AUTS2: variants seen among roughly 807,000 people sequenced by gnomAD.
AUTS2 encodes the protein autism susceptibility gene 2 protein.
Under a neutral mutation model 112.4 loss-of-function variants are expected in AUTS2, and 17 were observed. The observed-to-expected ratio is 0.15, with a 90% CI of 0.10 to 0.23. The LOEUF (loss-of-function observed/expected upper bound fraction) is 0.23, where lower values mean the gene tolerates loss of function less well. AUTS2 is among the 10% of genes least tolerant of loss of function. The pLI is 1.00. For missense variants in AUTS2, 1,510 were observed against 1,701.6 expected (o/e 0.89, Z 1.98); for synonymous variants, 751 against 702.7 (o/e 1.07, Z -1.09).
intron 1 of AUTS2, among the ~76,000 whole-genome samples, chr7:69,604,056 T>G (rs1257614331): frequency 1.3e-5 from 2 of 152,214 alleles, no homozygotes; most frequent in African/African-American, 4.8e-5. Flanking sequence ...AAGATGAAAT[T>G]TGTGGAATTA....
intron 1 of AUTS2, among the ~76,000 whole-genome samples, chr7:69,722,982 A>G (rs1304987452): frequency 6.6e-6 from 1 of 152,094 alleles, no homozygotes; most frequent in Non-Finnish European, 1.5e-5. Context: ...TCTACATGTC[A>G]AAACACATCC....
intron 2 of AUTS2, among the ~76,000 whole-genome samples, chr7:69,958,179 C>T (rs926181451): frequency 1.3e-5 from 2 of 152,206 alleles, no homozygotes; most frequent in Admixed American, 6.5e-5. Context: ...CGGCCAATCC[C>T]GACCTGGTAT....
rs140221736 is a variant in AUTS2 at position 70,220,212 on chromosome 7, T to A, written c.660+85641T>A. On this transcript the variant is annotated intron_variant, in intron 4 of 18. Transcript: ENST00000342771. ...ACACAAAAATTTGATTTTATGTAAT[T>A]TTTATTTGTCACAAAAGATAATTCT... 7.7e-4 allele frequency among the ~76,000 whole-genome samples: 117 copies of A among 152,358 alleles called. 1 individual carries two copies. Among genetic ancestry groups the A allele is most frequent in the Non-Finnish European group, 1.0e-3 (69 of 68,038 alleles).
At chr7:69,707,727 A>G (rs1303963747) in intron 1 of AUTS2, among the ~76,000 whole-genome samples, 4 of 152,236 alleles carry the variant, frequency 2.6e-5, no homozygotes, top group African/African-American at 9.6e-5. Context: ...TTGACTGTCA[A>G]CTGGATGGAG....
chr7:69,800,031 T>G (rs750588605), intron 1 of AUTS2, among the ~76,000 whole-genome samples: 4 of 152,258 alleles, frequency 2.6e-5, no homozygotes, highest in Non-Finnish European at 5.9e-5. Flanking sequence ...TTGTAATAAC[T>G]CATGTGTCAG....
At chr7:70,768,749 C>T (rs765383954) in intron 10 of AUTS2, among the ~76,000 whole-genome samples, 7 of 151,982 alleles carry the variant, frequency 4.6e-5, no homozygotes, top group Non-Finnish European at 7.3e-5. Flanking sequence ...GTTATAGGTT[C>T]AGTTAACTTG....
At chr7:69,668,323 C>A (rs780506322) in intron 1 of AUTS2, among the ~76,000 whole-genome samples, 1 of 152,192 alleles carries the variant, frequency 6.6e-6, no homozygotes, top group African/African-American at 2.4e-5. Flanking sequence ...TATAATGTAG[C>A]GTTAGTAATT....
intron 1 of AUTS2, among the ~76,000 whole-genome samples, chr7:69,783,867 G>A (rs188035585): frequency 2.6e-5 from 4 of 152,298 alleles, no homozygotes; most frequent in Admixed American, 2.6e-4. Context: ...AGACTGAGAT[G>A]TCTCTTAAAG....
intron 2 of AUTS2, among the ~76,000 whole-genome samples, chr7:70,081,006 C>A (rs1803276820): frequency 1.3e-5 from 2 of 152,078 alleles, no homozygotes; most frequent in African/African-American, 4.8e-5. Context: ...ACAAAGCAGG[C>A]AATTTAGTTA....
chr7:70,194,731 T>C (rs566143991), intron 4 of AUTS2: 1 of 152,350 alleles, frequency 6.6e-6, no homozygotes, highest in South Asian at 2.1e-4. Flanking sequence ...TTTACATCTG[T>C]TTTGACCCAA....
At chr7:69,809,983 C>G (rs1433518784) in intron 1 of AUTS2, among the ~76,000 whole-genome samples, 1 of 152,128 alleles carries the variant, frequency 6.6e-6, no homozygotes, top group Non-Finnish European at 1.5e-5. Flanking sequence ...CACATTTGAC[C>G]AGGTCATTTA....
chr7:69,804,043 T>G lies in AUTS2; in HGVS notation c.310-95243T>G, dbSNP rs191924017. On this transcript the variant is annotated intron_variant, in intron 1 of 18. Transcript: ENST00000342771. ...TGAGACTCTTGTCTCAAAGAAAATTTTTTTTCATTTTCCATTGACACCATA... is the reference window on the plus strand; with the variant it reads ...TGAGACTCTTGTCTCAAAGAAAATTGTTTTTCATTTTCCATTGACACCATA... Among the ~76,000 whole-genome samples, 12 of 152,248 alleles carry G rather than the reference T, an allele frequency of 7.9e-5. No homozygotes were observed. The East Asian group carries it at 2.3e-3, about 29-fold the overall frequency.
At chr7:70,326,234 C>T (rs940246468) in intron 4 of AUTS2, among the ~76,000 whole-genome samples, 4 of 152,182 alleles carry the variant, frequency 2.6e-5, no homozygotes, top group Admixed American at 6.5e-5. Context: ...TCTATCCTCT[C>T]CCATAGGCCT....
intron 5 of AUTS2, among the ~76,000 whole-genome samples, chr7:70,685,563 A>G (rs1808433359): frequency 6.6e-6 from 1 of 151,988 alleles, no homozygotes; most frequent in Admixed American, 6.6e-5. Flanking sequence ...TGATAATAAC[A>G]TATGTGGTAT....
chr7:70,505,287 G>T (rs1798918817), intron 5 of AUTS2, among the ~76,000 whole-genome samples: 1 of 152,220 alleles, frequency 6.6e-6, no homozygotes, highest in African/African-American at 2.4e-5. Flanking sequence ...GAAGCACCAT[G>T]AAATCAGGTG....
At chr7:70,683,880 C>T (rs1257745531) in intron 5 of AUTS2, among the ~76,000 whole-genome samples, 2 of 152,196 alleles carry the variant, frequency 1.3e-5, no homozygotes, top group Non-Finnish European at 2.9e-5. Context: ...TTTCCCATTC[C>T]ATTCTGATAG....
At chr7:70,730,567 G>A (rs996208653) in intron 6 of AUTS2, among the ~76,000 whole-genome samples, 2 of 152,152 alleles carry the variant, frequency 1.3e-5, no homozygotes, top group East Asian at 1.9e-4. Context: ...CAAAGTTCAT[G>A]TTGTGGAATA....
chr7:70,641,488 C>T (rs1216257059), intron 5 of AUTS2, among the ~76,000 whole-genome samples: 1 of 152,116 alleles, frequency 6.6e-6, no homozygotes, highest in Non-Finnish European at 1.5e-5. Flanking sequence ...GGAGGCAGAG[C>T]TTGCAGTGAG....
At chr7:70,712,191 CACT>C (rs1810092333) in intron 6 of AUTS2, among the ~76,000 whole-genome samples, 2 of 113,116 alleles carry the variant, frequency 1.8e-5, no homozygotes, top group African/African-American at 7.2e-5. Context: ...ATGCCTGGCT[CACT>C]TTTTTTTTTT....
Sources: gnomAD v4.1 joint callset for allele counts (sites outside exome capture counted in the v4.1 genomes callset) on GRCh38, gnomAD v4.1.1 for gene constraint, MANE v1.5 for transcripts, NCBI Gene and HGNC (gene_info 2026-07-23, HGNC 2026-07-21) for gene names.